NNT: variants seen among roughly 807,000 people sequenced by gnomAD.
NNT encodes the protein NAD(P) transhydrogenase, mitochondrial.
A neutral mutation model predicts 104.8 loss-of-function variants in NNT; 50 were observed. That is an observed-to-expected ratio of 0.48 (90% CI 0.38 to 0.60). The LOEUF (loss-of-function observed/expected upper bound fraction) is 0.60, where lower values mean the gene tolerates loss of function less well. Ranked by LOEUF, NNT falls within the 20% of genes least tolerant of loss-of-function variation. The pLI, the probability that NNT is intolerant of heterozygous loss-of-function variation, is 0.00. For missense variants in NNT, 1,131 were observed against 1,330.7 expected, an observed-to-expected ratio of 0.85 and a Z score of 2.33; for synonymous variants, 461 against 490.4, an observed-to-expected ratio of 0.94 and a Z score of 0.79.
chr5:43,687,163 C>T (rs926584909), intron 19 of NNT, among the ~76,000 whole-genome samples: 2 of 152,060 alleles, frequency 1.3e-5, no homozygotes, highest in Non-Finnish European at 2.9e-5. Flanking sequence ...TCATGTCAAC[C>T]AGTTATGTTA....
intron 17 of NNT, among the ~76,000 whole-genome samples, chr5:43,659,888 C>A (rs952209860): frequency 6.6e-6 from 1 of 152,162 alleles, no homozygotes; most frequent in African/African-American, 2.4e-5. Context: ...CTCTCTCCAT[C>A]TGGAGATAAA....
At chr5:43,703,192 A>G (rs1742948371) in intron 21 of NNT, among the ~76,000 whole-genome samples, 1 of 152,218 alleles carries the variant, frequency 6.6e-6, no homozygotes, top group African/African-American at 2.4e-5. Flanking sequence ...AAATCCAAAC[A>G]ATAATGTGGC....
intron 17 of NNT, among the ~76,000 whole-genome samples, chr5:43,669,508 C>A (rs1013466256): frequency 6.6e-6 from 1 of 152,052 alleles, no homozygotes; most frequent in African/African-American, 2.4e-5. Context: ...TGAATTTTGT[C>A]AAAGGCCTTT....
At chr5:43,656,172 A>G (rs112541057) in intron 15 of NNT, 99 bp downstream of exon 15, 1 of 1,037,782 alleles carries the variant, frequency 9.6e-7, no homozygotes, top group South Asian at 1.5e-5. Flanking sequence ...GCTGGGCGCA[A>G]TGGCTCATGC....
chr5:43,696,330 G>T (rs1454390732), intron 19 of NNT, among the ~76,000 whole-genome samples: 1 of 152,176 alleles, frequency 6.6e-6, no homozygotes, highest in African/African-American at 2.4e-5. Flanking sequence ...TTGACTCCAT[G>T]CCTCACATCC....
chr5:43,652,403 A>T (rs1370141590), intron 13 of NNT, among the ~76,000 whole-genome samples: 1 of 152,222 alleles, frequency 6.6e-6, no homozygotes, highest in Non-Finnish European at 1.5e-5. Context: ...GGACTTTGAA[A>T]GTTCCAACTT....
rs748940015 is a variant in NNT, at chr5:43,609,207, A to G, written c.12A>G (p.Leu4=). The G allele has an allele frequency of 4.2e-5, 68 of 1,613,562 alleles. No individual in the cohort carries two copies. The highest frequency in any genetic ancestry group is 5.2e-5 in the Non-Finnish European group (61 of 1,179,800). Reference sequence around the variant, plus strand: ...GAACTCATATCAACATGGCAAACCTATTGAAAACAGTGGTGACTGGCTGCT... The same window carrying G: ...GAACTCATATCAACATGGCAAACCTGTTGAAAACAGTGGTGACTGGCTGCT... MAN[L]LKTVVTGCSC... The change falls in exon 2 of 22, where the codon CTA becomes CTG. Residue 4 remains leucine, a synonymous_variant. Coordinates refer to ENST00000344920, the MANE Select transcript of NNT (RefSeq NM_182977.3).
chr5:43,672,664 C>T (rs893919660), intron 17 of NNT, among the ~76,000 whole-genome samples: 1 of 152,146 alleles, frequency 6.6e-6, no homozygotes, highest in African/African-American at 2.4e-5. Context: ...CAGAGGGGTA[C>T]CCAGCCATGT....
chr5:43,665,261 A>G (rs562371703), intron 17 of NNT, among the ~76,000 whole-genome samples: 1 of 148,030 alleles, frequency 6.8e-6, no homozygotes. Flanking sequence ...TTTATTGATC[A>G]TTCTTGGGTG....
intron 19 of NNT, among the ~76,000 whole-genome samples, chr5:43,698,624 C>T (rs1292482348): frequency 1.3e-5 from 2 of 151,932 alleles, no homozygotes; most frequent in Non-Finnish European, 2.9e-5. Flanking sequence ...GGTGATATTT[C>T]TGTGGCCAGA....
At chr5:43,650,309 A>G (rs1296517785) in intron 11 of NNT, among the ~76,000 whole-genome samples, 168 bp from the exon 12 acceptor site, 1 of 152,246 alleles carries the variant, frequency 6.6e-6, no homozygotes, top group African/African-American at 2.4e-5. Flanking sequence ...CAGTCTGCAT[A>G]AGCAAAATTG....
chr5:43,661,116 A>AG (rs143694756), intron 17 of NNT, among the ~76,000 whole-genome samples: 1 of 152,156 alleles, frequency 6.6e-6, no homozygotes, highest in African/African-American at 2.4e-5. Flanking sequence ...AAACAAGCTA[A>AG]GGGGTTTTAA....
intron 4 of NNT, 100 bp downstream of exon 4, chr5:43,616,165 T>G: frequency 1.0e-6 from 1 of 984,852 alleles, no homozygotes; most frequent in Non-Finnish European, 1.5e-6. Context: ...TTTGTAATTA[T>G]TGTTGGAGAT....
chr5:43,688,326 C>A (rs1742088349), intron 19 of NNT, among the ~76,000 whole-genome samples: 1 of 151,896 alleles, frequency 6.6e-6, no homozygotes, highest in Non-Finnish European at 1.5e-5. Flanking sequence ...GTGATGTAGC[C>A]CCCCCACCAA....
chr5:43,683,655 T>TCA (rs1741834065), intron 19 of NNT, among the ~76,000 whole-genome samples: 1 of 152,236 alleles, frequency 6.6e-6, no homozygotes, highest in Non-Finnish European at 1.5e-5. Flanking sequence ...ATAATTTTCA[T>TCA]TTTATTGAGC....
At chr5:43,682,410 C>T (rs990653402) in intron 19 of NNT, among the ~76,000 whole-genome samples, 9 of 152,068 alleles carry the variant, frequency 5.9e-5, no homozygotes, top group African/African-American at 2.2e-4. Context: ...GGGATTTCAT[C>T]ATGTTGGCCA....
chr5:43,691,372 C>T (rs1742275498), intron 19 of NNT, among the ~76,000 whole-genome samples: 1 of 152,072 alleles, frequency 6.6e-6, no homozygotes, highest in Non-Finnish European at 1.5e-5. Flanking sequence ...TTAAAGTGCT[C>T]GGATTACAGG....
chr5:43,642,736 TAC>T (rs1751303607), intron 7 of NNT, among the ~76,000 whole-genome samples: 1 of 152,324 alleles, frequency 6.6e-6, no homozygotes, highest in East Asian at 1.9e-4. Flanking sequence ...CTCAAAACTA[TAC>T]AGTTTGTAGC....
intron 15 of NNT, among the ~76,000 whole-genome samples, chr5:43,656,309 A>G (rs181440433): frequency 1.3e-5 from 2 of 152,296 alleles, no homozygotes; most frequent in Admixed American, 1.3e-4. Context: ...ACTACTAATA[A>G]AAAAGATTAA....
Sources: allele counts gnomAD v4.1 joint callset (sites outside exome capture counted in the v4.1 genomes callset), GRCh38; gene constraint gnomAD v4.1.1; transcripts MANE v1.5; gene names NCBI Gene and HGNC (gene_info 2026-07-23, HGNC 2026-07-21).